FSTL4: variants seen among roughly 807,000 people sequenced by gnomAD.
FSTL4 encodes the protein follistatin like 4, also known as follistatin-related protein 4.
FSTL4 carries 28 observed loss-of-function variants against 78.2 expected under a neutral mutation model. The ratio of observed to expected loss-of-function variants is 0.36; its 90% CI spans 0.27 to 0.49. The LOEUF (loss-of-function observed/expected upper bound fraction) is 0.49. Among genes scored for constraint, FSTL4 ranks in the 20% least tolerant of loss-of-function variants. The pLI is 0.98. For missense variants in FSTL4, 922 were observed against 1,084.9 expected (o/e 0.85, Z 2.11); for synonymous variants, 422 against 440.5 (o/e 0.96, Z 0.53).
At chr5:133,659,991 C>A in the FSTL4 span, among the ~76,000 whole-genome samples, 18 of 152,208 alleles carry the variant, frequency 1.2e-4, no homozygotes, top group Non-Finnish European at 2.2e-4. Flanking sequence ...AATAAGTTGA[C>A]AAAAAGAAAG....
the FSTL4 span, among the ~76,000 whole-genome samples, chr5:133,746,922 G>C: frequency 6.6e-6 from 1 of 152,216 alleles, no homozygotes; most frequent in African/African-American, 2.4e-5. Flanking sequence ...TTTATCCAGA[G>C]GGATGAAGTA....
At chr5:133,456,879 G>GC (rs1258563738) in intron 3 of FSTL4, among the ~76,000 whole-genome samples, 1 of 152,184 alleles carries the variant, frequency 6.6e-6, no homozygotes, top group African/African-American at 2.4e-5. Context: ...CCCAGAGGAT[G>GC]CCCCAGGAAA....
chr5:133,774,743 G>A, the FSTL4 span, among the ~76,000 whole-genome samples: 15 of 152,104 alleles, frequency 9.9e-5, no homozygotes, highest in Non-Finnish European at 1.9e-4. Flanking sequence ...CTTATTCTCT[G>A]TCATAGTATA....
At chr5:133,777,130 C>A in the FSTL4 span, among the ~76,000 whole-genome samples, 1 of 151,752 alleles carries the variant, frequency 6.6e-6, no homozygotes. Context: ...AGTTCCTAGG[C>A]AAATAGATAT....
chr5:133,428,634 G>T (rs1756876383), intron 3 of FSTL4, among the ~76,000 whole-genome samples: 1 of 152,222 alleles, frequency 6.6e-6, no homozygotes, highest in Non-Finnish European at 1.5e-5. Flanking sequence ...TGGTCACACA[G>T]CACAAGTGAC....
the FSTL4 span, among the ~76,000 whole-genome samples, chr5:133,701,572 G>A: frequency 1.3e-5 from 2 of 151,328 alleles, no homozygotes; most frequent in Non-Finnish European, 2.9e-5. Flanking sequence ...GACCATGGTT[G>A]GAGGACACAG....
intron 3 of FSTL4, among the ~76,000 whole-genome samples, chr5:133,415,993 A>C (rs985283692): frequency 1.3e-5 from 2 of 152,246 alleles, no homozygotes; most frequent in Non-Finnish European, 2.9e-5. Context: ...ATCTGCAAGC[A>C]GCAAAACCCC....
At chr5:133,828,510 C>T in the FSTL4 span, among the ~76,000 whole-genome samples, 23 of 152,276 alleles carry the variant, frequency 1.5e-4, no homozygotes, top group Admixed American at 2.6e-4. Flanking sequence ...AATCTCAGAT[C>T]GCTACATCCG....
rs201145044 is a variant in FSTL4, at chr5:133,447,548, C to CT, written c.161-46563dup. On this transcript the variant is annotated intron_variant, in intron 3 of 15. Transcript: ENST00000265342. ...TGGGATTATAATTTCTTTTTCTTCT[C>CT]TTTTTTTTTGAGACTGAGTCTCACT... Among the ~76,000 whole-genome samples the CT allele has an allele frequency of 5.3e-3, 805 of 151,374 alleles. 6 individuals carry two copies. The highest frequency in any genetic ancestry group is 0.019 in the African/African-American group (772 of 41,312).
chr5:133,581,851 T>G (rs1360918283), intron 2 of FSTL4, among the ~76,000 whole-genome samples: 2 of 152,230 alleles, frequency 1.3e-5, no homozygotes, highest in Non-Finnish European at 2.9e-5. Context: ...TCATGCATCT[T>G]AACACCTTAC....
At position 133,225,136 on chromosome 5, in the gene FSTL4, G is replaced by C; in HGVS notation, c.1312+14C>G. ...AGCCAGCTCAGTGAGAAGCATAAACGCGTGTCGACTTACGGGTCTTTCTAG... is the reference window on the plus strand; with the variant it reads ...AGCCAGCTCAGTGAGAAGCATAAACCCGTGTCGACTTACGGGTCTTTCTAG... On this transcript the variant is annotated intron_variant, in intron 10 of 15. Transcript: ENST00000265342. The surrounding 1 kb of genome is among the most constrained non-coding windows in gnomAD (Gnocchi z 4.6). 6.2e-7 allele frequency: 1 copy of C among 1,614,104 alleles called. No homozygotes were observed. Among genetic ancestry groups the C allele is most frequent in the Non-Finnish European group, 8.5e-7 (1 of 1,179,996 alleles).
intron 6 of FSTL4, among the ~76,000 whole-genome samples, chr5:133,311,845 T>C (rs1179142302): frequency 1.3e-5 from 2 of 152,264 alleles, no homozygotes; most frequent in Non-Finnish European, 2.9e-5. Context: ...TTGAACATCT[T>C]CTAATGTAAG....
chr5:133,762,531 C>A, the FSTL4 span, among the ~76,000 whole-genome samples: 2 of 152,104 alleles, frequency 1.3e-5, no homozygotes, highest in Non-Finnish European at 2.9e-5. Context: ...GCACTCGATG[C>A]AAGAATCAAA....
rs181386873 is a variant in FSTL4, at chr5:133,287,366, T to C, written c.727+25288A>G. 5.5e-3 allele frequency among the ~76,000 whole-genome samples: 795 copies of C among 144,570 alleles called. 6 individuals carry two copies. The highest frequency in any genetic ancestry group is 9.1e-3 in the Admixed American group (129 of 14,240). 94.8% of individuals were successfully genotyped at this position (144,570 alleles called of 152,430 possible). On this transcript the variant is annotated intron_variant, in intron 6 of 15. Transcript: ENST00000265342. ...TCGCACCACTGCACTCCAGCCTGGG[T>C]GACAGAGCGAGACTCCATCTCAAAA...
At chr5:133,837,100 T>C in the FSTL4 span, among the ~76,000 whole-genome samples, 21 of 152,104 alleles carry the variant, frequency 1.4e-4, no homozygotes, top group African/African-American at 5.1e-4. Context: ...ATATTTCTCT[T>C]AAGCTCTTTC....
At chr5:133,603,112 G>A (rs188001658) in intron 2 of FSTL4, among the ~76,000 whole-genome samples, 3 of 152,190 alleles carry the variant, frequency 2.0e-5, no homozygotes, top group African/African-American at 7.2e-5. Flanking sequence ...TTAATGGAAG[G>A]GTGAAGTCAT....
At chr5:133,537,797 T>TACACAC (rs759757767) in intron 3 of FSTL4, among the ~76,000 whole-genome samples, 16 of 148,552 alleles carry the variant, frequency 1.1e-4, no homozygotes, top group African/African-American at 4.0e-4. Flanking sequence ...TATATATATA[T>TACACAC]ACACACACAC....
intron 5 of FSTL4, among the ~76,000 whole-genome samples, chr5:133,313,328 G>A (rs892254809): frequency 7.2e-5 from 11 of 152,126 alleles, no homozygotes; most frequent in African/African-American, 2.7e-4. Context: ...CTAGACCTGA[G>A]CTTCCCCCCT....
chr5:133,398,926 T>C (rs954747761), intron 4 of FSTL4, among the ~76,000 whole-genome samples: 3 of 152,140 alleles, frequency 2.0e-5, no homozygotes, highest in African/African-American at 7.2e-5. Flanking sequence ...GTCAGAAGGA[T>C]TCGGTGGATA....
Sources: allele counts gnomAD v4.1 joint callset (sites outside exome capture counted in the v4.1 genomes callset), GRCh38; gene constraint gnomAD v4.1.1; non-coding constraint Gnocchi (gnomAD v3.1); transcripts MANE v1.5; gene names NCBI Gene and HGNC (gene_info 2026-07-23, HGNC 2026-07-21).